The following MAP3K20 variants were observed in gnomAD, a reference collection of about 807,000 sequenced individuals.
The protein encoded by MAP3K20 is mitogen-activated protein kinase kinase kinase 20, also known as HCCS-4.
A neutral mutation model predicts 85.7 loss-of-function variants in MAP3K20; 40 were observed. That is an observed-to-expected ratio of 0.47 (90% CI 0.36 to 0.61). MAP3K20 has a LOEUF of 0.61. Ranked by LOEUF, MAP3K20 falls within the 20% of genes least tolerant of loss-of-function variation. The pLI is 0.00. For missense variants in MAP3K20, 817 were observed against 961.7 expected, an observed-to-expected ratio of 0.85 and a Z score of 1.99; for synonymous variants, 325 against 327.7, an observed-to-expected ratio of 0.99 and a Z score of 0.09.
At chr2:173,111,605 G>A (rs1687976775) in intron 2 of MAP3K20, among the ~76,000 whole-genome samples, 1 of 152,170 alleles carries the variant, frequency 6.6e-6, no homozygotes, top group African/African-American at 2.4e-5. Flanking sequence ...TTTATATAAG[G>A]TGAGAGATGA....
chr2:173,150,304 A>G (rs1037215450), intron 2 of MAP3K20, among the ~76,000 whole-genome samples: 3 of 152,224 alleles, frequency 2.0e-5, no homozygotes. Context: ...TCATCTCAGT[A>G]TATCTTGGTC....
At chr2:173,214,147 T>G (rs1055027857) in intron 10 of MAP3K20, 2 of 152,242 alleles carry the variant, frequency 1.3e-5, no homozygotes, top group African/African-American at 4.8e-5. Flanking sequence ...AAATTCTTTT[T>G]AAAACTACAT....
chr2:173,172,367 G>A (rs1690024098), intron 3 of MAP3K20, among the ~76,000 whole-genome samples: 1 of 151,948 alleles, frequency 6.6e-6, no homozygotes, highest in Admixed American at 6.6e-5. Context: ...GTTGCAGCAG[G>A]CAGCTGTTGT....
chr2:173,153,783 T>C (rs1689374239), intron 2 of MAP3K20, among the ~76,000 whole-genome samples: 1 of 152,238 alleles, frequency 6.6e-6, no homozygotes, highest in Non-Finnish European at 1.5e-5. Flanking sequence ...AGAACCTACA[T>C]GTATCCTCCT....
At chr2:173,144,239 A>G (rs970986293) in intron 2 of MAP3K20, among the ~76,000 whole-genome samples, 7 of 152,030 alleles carry the variant, frequency 4.6e-5, no homozygotes, top group African/African-American at 1.4e-4. Context: ...CAAGGTGGGC[A>G]GATCACAAGG....
chr2:173,262,968 C>T (rs1685330866), intron 18 of MAP3K20, among the ~76,000 whole-genome samples: 1 of 152,168 alleles, frequency 6.6e-6, no homozygotes, highest in Non-Finnish European at 1.5e-5. Context: ...TCTTTTTCTT[C>T]TTCTCTCTCC....
In MAP3K20 at chr2:173,235,455, G is replaced by A. The variant is rs144398345; in HGVS notation, c.1204-2918G>A. The stretch of plus-strand genomic sequence containing the variant: ...CTGATATGTGTGGCAGCATAGATGA[G>A]CCTTGAACATGATGCTAAATGAAAG... On this transcript the variant is annotated intron_variant, in intron 14 of 19. Transcript: ENST00000375213. Among the ~76,000 whole-genome samples, 173 of 152,288 alleles carry A rather than the reference G, an allele frequency of 1.1e-3. 2 individuals are homozygous for A. Among genetic ancestry groups the A allele is most frequent in the African/African-American group, 4.0e-3 (168 of 41,560 alleles).
At chr2:173,149,308 C>T (rs1689228303) in intron 2 of MAP3K20, among the ~76,000 whole-genome samples, 1 of 152,054 alleles carries the variant, frequency 6.6e-6, no homozygotes, top group African/African-American at 2.4e-5. Context: ...CAACTAAATG[C>T]AGTGTGGCAC....
At chr2:173,095,242 T>A (rs1282382738) in intron 2 of MAP3K20, among the ~76,000 whole-genome samples, 1 of 152,188 alleles carries the variant, frequency 6.6e-6, no homozygotes, top group Non-Finnish European at 1.5e-5. Context: ...GTCATTTTTT[T>A]ATGATTTTCT....
intron 3 of MAP3K20, among the ~76,000 whole-genome samples, chr2:173,179,957 T>C (rs1038755531): frequency 7.2e-5 from 11 of 152,146 alleles, no homozygotes; most frequent in Non-Finnish European, 1.6e-4. Context: ...CAAAAATTGC[T>C]GAGAAAATTA....
At chr2:173,225,022 T>C (rs1684345951) in intron 11 of MAP3K20, 2 of 984,278 alleles carry the variant, frequency 2.0e-6, no homozygotes, top group East Asian at 1.1e-4. Flanking sequence ...AAAATGATAA[T>C]TGAATCTCTC....
intron 7 of MAP3K20, among the ~76,000 whole-genome samples, chr2:173,193,358 T>C (rs1187342950): frequency 1.3e-5 from 2 of 151,912 alleles, no homozygotes; most frequent in South Asian, 4.1e-4. Flanking sequence ...CCCCAAGTGT[T>C]TGAATTTCCT....
At chr2:173,086,870 C>G (rs1687158738) in intron 1 of MAP3K20, among the ~76,000 whole-genome samples, 1 of 152,238 alleles carries the variant, frequency 6.6e-6, no homozygotes, top group South Asian at 2.1e-4. Flanking sequence ...TCCTTCTTCC[C>G]TGACCCTGGG....
At chr2:173,113,737 C>G (rs1427762996) in intron 2 of MAP3K20, among the ~76,000 whole-genome samples, 2 of 152,040 alleles carry the variant, frequency 1.3e-5, no homozygotes, top group Non-Finnish European at 2.9e-5. Flanking sequence ...TAGTTTTATT[C>G]CACTGTGGTC....
intron 3 of MAP3K20, among the ~76,000 whole-genome samples, chr2:173,172,778 A>G (rs551981230): frequency 2.3e-4 from 35 of 152,096 alleles, no homozygotes; most frequent in Admixed American, 6.6e-4. Flanking sequence ...AAAAGATACA[A>G]TAATGGATCA....
In MAP3K20 at chr2:173,188,603, A is replaced by AGT. The variant is rs57841502; in HGVS notation, c.415+991_415+992dup. Among the ~76,000 whole-genome samples the AGT allele has an allele frequency of 4.2e-3, 619 of 148,786 alleles. 3 individuals carry two copies. The highest frequency in any genetic ancestry group is 0.014 in the African/African-American group (570 of 40,316). On this transcript the variant is annotated intron_variant, in intron 5 of 19. Transcript: ENST00000375213. Reference sequence around the variant, plus strand: ...CAGGACTGTGAGGTTTGTGTGTGTGAGTGTGTGTGTGTTTAGCAGGGGGTG... The same window carrying AGT: ...CAGGACTGTGAGGTTTGTGTGTGTGAGTGTGTGTGTGTGTTTAGCAGGGGGTG...
chr2:173,159,402 CTT>C (rs67029113), intron 2 of MAP3K20, among the ~76,000 whole-genome samples: 1 of 123,260 alleles, frequency 8.1e-6, no homozygotes, highest in Non-Finnish European at 1.7e-5. Flanking sequence ...TTCCTTCCTT[CTT>C]TTTTTTTTTT....
intron 16 of MAP3K20, among the ~76,000 whole-genome samples, chr2:173,249,939 TAACTC>T (rs1354080734): frequency 1.3e-5 from 2 of 152,208 alleles, no homozygotes; most frequent in Admixed American, 1.3e-4. Flanking sequence ...TTTTCATACA[TAACTC>T]AAATAACAAC....
chr2:173,213,049 A>AAAAT (rs980854716), intron 10 of MAP3K20, among the ~76,000 whole-genome samples: 1 of 152,112 alleles, frequency 6.6e-6, no homozygotes, highest in Admixed American at 6.5e-5. Context: ...TATTTTTTAT[A>AAAAT]AAATAAATAT....
Sources: allele counts gnomAD v4.1 joint callset (sites outside exome capture counted in the v4.1 genomes callset), GRCh38; gene constraint gnomAD v4.1.1; transcripts MANE v1.5; gene names NCBI Gene and HGNC (gene_info 2026-07-23, HGNC 2026-07-21).